The following GPC5 variants were observed in gnomAD, a reference collection of about 807,000 sequenced individuals.
GPC5 encodes the protein glypican-5.
In GPC5, 47 loss-of-function variants were observed where a neutral mutation model predicts 53.9. The ratio of observed to expected loss-of-function variants is 0.87; its 90% CI spans 0.69 to 1.11. The LOEUF is 1.11. GPC5 is among the 50% of genes most tolerant of loss of function. The pLI is 0.00. For missense variants in GPC5, 748 were observed against 713.1 expected, an observed-to-expected ratio of 1.05 and a Z score of -0.56; for synonymous variants, 286 against 263.3, an observed-to-expected ratio of 1.09 and a Z score of -0.84.
rs1165319320 is a variant in GPC5 at position 92,035,765 on chromosome 13, AAAC to A, written c.1402-109062_1402-109060del. Among the ~76,000 whole-genome samples, 18 of 150,666 alleles carry A rather than the reference AAAC, an allele frequency of 1.2e-4. 1 individual carries two copies. Among genetic ancestry groups the A allele is most frequent in the East Asian group, 5.8e-4 (3 of 5,178 alleles). On this transcript the variant is annotated intron_variant, in intron 6 of 7. Transcript: ENST00000377067. ...TTTCTGAGGAAATGTTAAAAAAAAA[AAAC>A]AAAAAAAACAATGTTCACCAAAGCT...
chr13:92,741,970 A>T (rs1354019183), intron 7 of GPC5, among the ~76,000 whole-genome samples: 1 of 151,988 alleles, frequency 6.6e-6, no homozygotes, highest in Non-Finnish European at 1.5e-5. Context: ...ACATTTTCTT[A>T]ATCCAGTCTA....
At chr13:92,527,262 A>G (rs1166404408) in intron 7 of GPC5, among the ~76,000 whole-genome samples, 1 of 130,750 alleles carries the variant, frequency 7.6e-6, no homozygotes, top group Non-Finnish European at 1.5e-5. Context: ...AAAGAAAGAA[A>G]GAAAGAAAGA....
chr13:91,437,846 C>T (rs1010004470), intron 1 of GPC5, among the ~76,000 whole-genome samples: 6 of 152,190 alleles, frequency 3.9e-5, no homozygotes, highest in African/African-American at 1.4e-4. Flanking sequence ...TTCTTGGAGG[C>T]TTTGTTCATT....
chr13:92,242,522 A>G (rs1402003590), intron 7 of GPC5, among the ~76,000 whole-genome samples: 1 of 152,084 alleles, frequency 6.6e-6, no homozygotes, highest in Non-Finnish European at 1.5e-5. Context: ...CAGGTTTGAA[A>G]TAAACTTCAA....
chr13:91,725,806 A>G (rs940518321), intron 3 of GPC5, among the ~76,000 whole-genome samples: 21 of 152,200 alleles, frequency 1.4e-4, no homozygotes, highest in African/African-American at 4.6e-4. Flanking sequence ...CTCTGAACTC[A>G]TAACTTCAAA....
chr13:91,636,908 T>G (rs1284763296), intron 2 of GPC5, among the ~76,000 whole-genome samples: 1 of 152,202 alleles, frequency 6.6e-6, no homozygotes, highest in Non-Finnish European at 1.5e-5. Context: ...TAGTGAGCTA[T>G]GATCCAGTAC....
chr13:91,998,028 T>C (rs2138747680), intron 6 of GPC5, among the ~76,000 whole-genome samples: 1 of 152,344 alleles, frequency 6.6e-6, no homozygotes, highest in Non-Finnish European at 1.5e-5. Context: ...AGTTTATAAA[T>C]AGTATAAGCT....
chr13:92,433,321 G>A (rs560167008), intron 7 of GPC5, among the ~76,000 whole-genome samples: 1 of 152,168 alleles, frequency 6.6e-6, no homozygotes, highest in Non-Finnish European at 1.5e-5. Flanking sequence ...GTAGACAAAA[G>A]AGGAGGTTGT....
chr13:92,639,859 T>C (rs1312692056), intron 7 of GPC5, among the ~76,000 whole-genome samples: 1 of 152,134 alleles, frequency 6.6e-6, no homozygotes, highest in Admixed American at 6.5e-5. Context: ...AGAAAACATC[T>C]TCATAGACAT....
intron 7 of GPC5, among the ~76,000 whole-genome samples, chr13:92,495,600 C>G (rs997633195): frequency 2.0e-5 from 3 of 149,720 alleles, no homozygotes; most frequent in Non-Finnish European, 3.0e-5. Context: ...AAACAACAGG[C>G]CTATCATTAC....
intron 7 of GPC5, among the ~76,000 whole-genome samples, chr13:92,369,865 C>T (rs530430329): frequency 7.4e-4 from 112 of 152,282 alleles, no homozygotes; most frequent in African/African-American, 2.6e-3. Flanking sequence ...AATTTACTAT[C>T]TACTTTTAAA....
intron 6 of GPC5, among the ~76,000 whole-genome samples, chr13:92,005,487 C>T (rs146944407): frequency 5.9e-5 from 9 of 152,210 alleles, no homozygotes; most frequent in African/African-American, 9.6e-5. Flanking sequence ...CTTACACAGA[C>T]GTCATAGAAG....
intron 5 of GPC5, among the ~76,000 whole-genome samples, chr13:91,907,152 A>G (rs979608805): frequency 6.7e-6 from 1 of 149,288 alleles, no homozygotes; most frequent in Non-Finnish European, 1.5e-5. Flanking sequence ...TAACATAGGT[A>G]TAATTGTTTT....
intron 7 of GPC5, among the ~76,000 whole-genome samples, chr13:92,148,557 G>A (rs1366354894): frequency 6.6e-6 from 1 of 152,042 alleles, no homozygotes; most frequent in Non-Finnish European, 1.5e-5. Context: ...ACTGATTTCA[G>A]TAGAATGGCT....
chr13:92,863,619 A>G (rs1879251237), intron 7 of GPC5, among the ~76,000 whole-genome samples: 1 of 151,968 alleles, frequency 6.6e-6, no homozygotes, highest in African/African-American at 2.4e-5. Flanking sequence ...TCGGCTTCCC[A>G]AGTAGCTGGG....
At chr13:91,412,871 A>C (rs1378787574) in intron 1 of GPC5, among the ~76,000 whole-genome samples, 1 of 152,262 alleles carries the variant, frequency 6.6e-6, no homozygotes, top group Non-Finnish European at 1.5e-5. Context: ...AATTGGACAA[A>C]ATTCAAACTG....
In GPC5 at chr13:91,531,199, T is replaced by G. The variant is rs549984841; in HGVS notation, c.325+82277T>G. ...GAGCTTAAATGGAATTGTAGCACAT[T>G]GTATGTATGGTCTTATTTTACGGTA... On this transcript the variant is annotated intron_variant, in intron 2 of 7. Transcript: ENST00000377067. 4.6e-5 allele frequency among the ~76,000 whole-genome samples: 7 copies of G among 152,316 alleles called. No homozygotes were observed. In the South Asian group the frequency reaches 1.5e-3, roughly 32 times the overall value.
intron 7 of GPC5, among the ~76,000 whole-genome samples, chr13:92,233,788 C>A (rs373429597): frequency 1.2e-4 from 19 of 152,044 alleles, no homozygotes; most frequent in African/African-American, 4.3e-4. Context: ...AGGTATATCT[C>A]CAAATGCTAT....
intron 7 of GPC5, among the ~76,000 whole-genome samples, chr13:92,284,862 A>G (rs1043359290): frequency 2.0e-5 from 3 of 152,202 alleles, no homozygotes; most frequent in African/African-American, 7.2e-5. Context: ...CACCACGCCT[A>G]TTCAACGTAG....
Sources: allele counts gnomAD v4.1 joint callset (sites outside exome capture counted in the v4.1 genomes callset), GRCh38; gene constraint gnomAD v4.1.1; transcripts MANE v1.5; gene names NCBI Gene and HGNC (gene_info 2026-07-23, HGNC 2026-07-21).